The following AGPAT3 variants were observed in gnomAD, a reference collection of about 807,000 sequenced individuals.
AGPAT3 encodes the protein 1-acyl-sn-glycerol-3-phosphate acyltransferase gamma.
AGPAT3 carries 5 observed loss-of-function variants against 47.3 expected under a neutral mutation model. The ratio of observed to expected loss-of-function variants is 0.11; its 90% CI spans 0.06 to 0.22. The LOEUF is 0.22. AGPAT3 is among the 10% of genes least tolerant of loss of function. AGPAT3 has a pLI of 1.00. For synonymous variants in AGPAT3, 212 were observed against 208.3 expected (o/e 1.02, Z -0.15); for missense variants, 315 against 493.0 (o/e 0.64, Z 3.42).
chr21:43,918,105 G>C (rs1379088499), intron 2 of AGPAT3, among the ~76,000 whole-genome samples: 1 of 146,370 alleles, frequency 6.8e-6, no homozygotes, highest in Non-Finnish European at 1.5e-5. Context: ...TGTGTTGTGG[G>C]TGTTGTGTTA....
At chr21:43,869,955 C>G (rs542406020) in intron 1 of AGPAT3, among the ~76,000 whole-genome samples, 1 of 152,244 alleles carries the variant, frequency 6.6e-6, no homozygotes, top group East Asian at 1.9e-4. Context: ...ATCCTCCCAC[C>G]TTGGCCTCCC....
At chr21:43,944,951 C>T (rs1430298134) in intron 2 of AGPAT3, among the ~76,000 whole-genome samples, 3 of 152,232 alleles carry the variant, frequency 2.0e-5, no homozygotes, top group Non-Finnish European at 4.4e-5. Context: ...TCATCACTGA[C>T]TCAGCTCCGG....
chr21:43,867,854 C>A (rs767286985), intron 1 of AGPAT3: 4 of 152,148 alleles, frequency 2.6e-5, no homozygotes, highest in African/African-American at 4.8e-5. Flanking sequence ...TCAGAAATTT[C>A]ATGGGAATTT....
intron 2 of AGPAT3, among the ~76,000 whole-genome samples, chr21:43,911,985 G>T (rs993496438): frequency 1.3e-5 from 2 of 152,254 alleles, no homozygotes; most frequent in African/African-American, 2.4e-5. Context: ...GGGCCCCAGC[G>T]CATCTTGCTC....
chr21:43,952,458 G>A lies in AGPAT3; in HGVS notation c.-48-7176G>A, dbSNP rs1040130460. 6.6e-5 allele frequency among the ~76,000 whole-genome samples: 10 copies of A among 152,198 alleles called. No homozygotes were observed. Among genetic ancestry groups the A allele is most frequent in the African/African-American group, 2.4e-4 (10 of 41,450 alleles). ...GGCAGAATTGGGTGTGGGCGTGTGG[G>A]GCTGGGCTCTGATTGGCAAGCAGTG... On this transcript the variant is annotated intron_variant, in intron 2 of 9. Coordinates refer to ENST00000291572, the MANE Select transcript of AGPAT3 (RefSeq NM_020132.5). This position sits in a 1 kb window ranked among gnomAD's most constrained non-coding sequence, Gnocchi z 5.6.
chr21:43,869,290 AGATT>A (rs2085574453), intron 1 of AGPAT3, among the ~76,000 whole-genome samples: 1 of 152,250 alleles, frequency 6.6e-6, no homozygotes, highest in African/African-American at 2.4e-5. Flanking sequence ...AGCTTTTCAT[AGATT>A]GATTTCTGAT....
intron 1 of AGPAT3, among the ~76,000 whole-genome samples, chr21:43,889,841 A>G (rs1405193877): frequency 6.6e-6 from 1 of 152,246 alleles, no homozygotes; most frequent in Non-Finnish European, 1.5e-5. Flanking sequence ...TCTTTTTGCT[A>G]GTAGACGGGT....
chr21:43,981,159 C>T lies in AGPAT3; in HGVS notation c.1014C>T (p.Ile338=), dbSNP rs779819981. The change falls in exon 9 of 10, where the codon ATC becomes ATT. Residue 338 remains isoleucine (I), a synonymous_variant. Transcript: ENST00000291572. The surrounding 1 kb of genome is among the most constrained non-coding windows in gnomAD (Gnocchi z 5.3). ...TTGCCAGCGGATCACCTCTCCTGAT[C>T]CTGACTTTCTTGGGGTTTGTGGGAG... ...GVFASGSPLL[I]LTFLGFVGAA... 1 of 1,614,184 alleles carries T rather than the reference C, an allele frequency of 6.2e-7. No individual in the cohort carries two copies. The highest frequency in any genetic ancestry group is 1.1e-5 in the South Asian group (1 of 91,084).
intron 2 of AGPAT3, among the ~76,000 whole-genome samples, chr21:43,916,633 A>G (rs2086736697): frequency 7.1e-6 from 1 of 141,788 alleles, no homozygotes; most frequent in Non-Finnish European, 1.5e-5. Flanking sequence ...TTTCTCTTCT[A>G]TCTGCAGAGT....
chr21:43,870,461 CA>C (rs2085600628), intron 1 of AGPAT3, among the ~76,000 whole-genome samples: 1 of 151,796 alleles, frequency 6.6e-6, no homozygotes, highest in Non-Finnish European at 1.5e-5. Flanking sequence ...CCTGTAATGC[CA>C]GCACTTTGGG....
chr21:43,918,346 T>C (rs73371150), intron 2 of AGPAT3, among the ~76,000 whole-genome samples: 1,745 of 150,932 alleles, frequency 0.012, 36 homozygotes, highest in African/African-American at 0.039. Flanking sequence ...GGCTGAGGGT[T>C]CCCCTGGAGC....
intron 2 of AGPAT3, among the ~76,000 whole-genome samples, chr21:43,912,570 C>T (rs1009326334): frequency 3.3e-5 from 5 of 152,268 alleles, no homozygotes; most frequent in African/African-American, 9.6e-5. Context: ...AGGAAGTGCC[C>T]TGAGGAACGG....
intron 2 of AGPAT3, among the ~76,000 whole-genome samples, chr21:43,918,203 G>GGTTGTGGGTGTTGCGGCGGTTGTGGGT (rs748999473): frequency 0.27 from 37,548 of 138,732 alleles, 5,851 homozygotes; most frequent in Non-Finnish European, 0.35. Context: ...GGGTTGTGGA[G>GGTTGTGGGTGTTGCGGCGGTTGTGGGT]GTTGTGGGTG....
intron 2 of AGPAT3, among the ~76,000 whole-genome samples, chr21:43,904,902 A>G (rs2086452176): frequency 6.6e-6 from 1 of 152,138 alleles, no homozygotes; most frequent in South Asian, 2.1e-4. Flanking sequence ...GGTGTAACTC[A>G]CAGGCCCAGT....
chr21:43,970,416 G>A lies in AGPAT3; in HGVS notation c.511-237G>A, dbSNP rs1171489167. On this transcript the variant is annotated intron_variant, in intron 5 of 9. Coordinates refer to ENST00000291572, the MANE Select transcript of AGPAT3 (RefSeq NM_020132.5). This position sits in a 1 kb window ranked among gnomAD's most constrained non-coding sequence, Gnocchi z 5.8. ...CACCTTCATGTTTCACTTCTTTCTG[G>A]AAAGTTCTTTCTGGAGAGCTCTCCT... Among the ~76,000 whole-genome samples the A allele has an allele frequency of 6.6e-6, 1 of 152,204 alleles. No homozygotes were observed. The highest frequency in any genetic ancestry group is 1.5e-5 in the Non-Finnish European group (1 of 68,044).
In AGPAT3 at chr21:43,952,795, G is replaced by C. The variant is rs1007583896; in HGVS notation, c.-48-6839G>C. ...ATGAAAAGGTGCCATGGGGACTGGA[G>C]AGGCCCACTGTCACACCTCCCAGCC... On this transcript the variant is annotated intron_variant, in intron 2 of 9. Transcript: ENST00000291572. This position sits in a 1 kb window ranked among gnomAD's most constrained non-coding sequence, Gnocchi z 5.6. Among the ~76,000 whole-genome samples the C allele has an allele frequency of 6.6e-6, 1 of 152,128 alleles. No homozygotes were observed. Among genetic ancestry groups the C allele is most frequent in the African/African-American group, 2.4e-5 (1 of 41,394 alleles).
intron 1 of AGPAT3, among the ~76,000 whole-genome samples, chr21:43,878,906 A>C (rs982971214): frequency 1.3e-5 from 2 of 152,046 alleles, no homozygotes; most frequent in Non-Finnish European, 2.9e-5. Context: ...ACACCTAGCT[A>C]ATTTTTGTAA....
intron 2 of AGPAT3, among the ~76,000 whole-genome samples, chr21:43,915,470 GGT>G (rs2086707981): frequency 8.2e-6 from 1 of 122,566 alleles, no homozygotes; most frequent in African/African-American, 3.2e-5. Context: ...GGAGTGCAGT[GGT>G]GCGATCTCGG....
At chr21:43,972,789 AG>A (rs1424746979) in intron 7 of AGPAT3, among the ~76,000 whole-genome samples, 5 of 152,316 alleles carry the variant, frequency 3.3e-5, no homozygotes, top group African/African-American at 9.6e-5. Flanking sequence ...CAGGCCTTTG[AG>A]GCACGAAGAA....
Sources: gnomAD v4.1 joint callset for allele counts (sites outside exome capture counted in the v4.1 genomes callset) on GRCh38, gnomAD v4.1.1 for gene constraint, Gnocchi (gnomAD v3.1) non-coding constraint, MANE v1.5 for transcripts, NCBI Gene and HGNC (gene_info 2026-07-23, HGNC 2026-07-21) for gene names.